Variants in WEE1 observed in about 807,000 individuals in gnomAD.
WEE1 encodes wee1-like protein kinase.
Under a neutral mutation model 68.8 loss-of-function variants are expected in WEE1, and 16 were observed. The ratio of observed to expected loss-of-function variants is 0.23; its 90% CI spans 0.16 to 0.35. The LOEUF (loss-of-function observed/expected upper bound fraction) is 0.35. Among genes scored for constraint, WEE1 ranks in the 10% least tolerant of loss-of-function variants. WEE1 has a pLI of 1.00. For missense variants in WEE1, 651 were observed against 824.1 expected, an observed-to-expected ratio of 0.79 and a Z score of 2.57; for synonymous variants, 349 against 318.7, an observed-to-expected ratio of 1.09 and a Z score of -1.01.
At chr11:9,577,586 G>C (rs1372665588) in intron 5 of WEE1, 2 of 332,744 alleles carry the variant, frequency 6.0e-6, no homozygotes, top group East Asian at 7.9e-5. Context: ...GTATTATGAA[G>C]TGTTAAGTTG....
In WEE1 at chr11:9,576,246, A is replaced by G; in HGVS notation, c.799A>G (p.Met267Val). The change falls in exon 3 of 11, where the codon ATG (methionine) becomes GTG (valine). Residue 267 changes from methionine (M) to valine (V), a missense_variant. Met to Val is a conservative substitution (Grantham distance 21). Coordinates refer to ENST00000450114, the MANE Select transcript of WEE1 (RefSeq NM_003390.4). The surrounding 1 kb of genome is among the most constrained non-coding windows in gnomAD (Gnocchi z 4.3). ...TYWNDSCGED[M>V]EASDYELEDE... is the part of the protein sequence containing the mutation. ...TTTTTTTAGTTCCTGTGGTGAAGAC[A>G]TGGAAGCCAGTGATTATGAGCTTGA... The G allele has an allele frequency of 6.6e-7, 1 of 1,519,504 alleles. No individual in the cohort carries two copies. The highest frequency in any genetic ancestry group is 9.0e-7 in the Non-Finnish European group (1 of 1,117,112). 94.1% of individuals were successfully genotyped at this position (1,519,504 alleles called of 1,614,324 possible). A position where few individuals can be genotyped will look rare whatever the true frequency, so the allele number is the denominator to read the frequency against.
chr11:9,576,192 T>C lies in WEE1; in HGVS notation c.783-38T>C, dbSNP rs760958012. 4 of 1,581,368 alleles carry C rather than the reference T, an allele frequency of 2.5e-6. No homozygotes were observed. In the East Asian group the frequency reaches 9.1e-5, roughly 36 times the overall value. ...TCCTATTTAATGGCATGGATGTATC[T>C]GTCAGATATATTGATAGAAAAATAA... On this transcript the variant is annotated intron_variant, in intron 2 of 10. Transcript: ENST00000450114. The surrounding 1 kb of genome is among the most constrained non-coding windows in gnomAD (Gnocchi z 4.3).
At position 9,573,738 on chromosome 11, in the gene WEE1, G is replaced by A; in HGVS notation, c.-196G>A. On this transcript the variant is annotated 5_prime_UTR_variant, in exon 1 of 11. Coordinates refer to ENST00000450114, the MANE Select transcript of WEE1 (RefSeq NM_003390.4). ...GTGCTCGGGCCGCCCCGCCTCTGCC[G>A]GAAAGTCCGCGCCGCCGCTGCCGCC... 4.1e-6 allele frequency: 1 copy of A among 243,714 alleles called. No homozygotes were observed. Among genetic ancestry groups the A allele is most frequent in the Non-Finnish European group, 7.1e-6 (1 of 139,910 alleles). 15.1% of individuals were successfully genotyped at this position (243,714 alleles called of 1,614,324 possible). A position where few individuals can be genotyped will look rare whatever the true frequency, so the allele number is the denominator to read the frequency against.
chr11:9,582,429 G>C (rs1044527589), intron 6 of WEE1, among the ~76,000 whole-genome samples: 7 of 152,132 alleles, frequency 4.6e-5, no homozygotes, highest in African/African-American at 1.4e-4. Flanking sequence ...AGCATCTTAG[G>C]CTAGATGAAT....
chr11:9,573,770 C>T lies in WEE1; in HGVS notation c.-164C>T, dbSNP rs897952202. On this transcript the variant is annotated 5_prime_UTR_variant, in exon 1 of 11. Coordinates refer to ENST00000450114, the MANE Select transcript of WEE1 (RefSeq NM_003390.4). ...CCGCGCCGCCGCTGCCGCCACCGTC[C>T]GCAGCCCGAGCGCCCCGGAGCCGCA... The T allele has an allele frequency of 9.8e-6, 4 of 408,990 alleles. No homozygotes were observed. The highest frequency in any genetic ancestry group is 6.5e-5 in the African/African-American group (3 of 46,492). 25.3% of individuals were successfully genotyped at this position (408,990 alleles called of 1,614,324 possible). A position where few individuals can be genotyped will look rare whatever the true frequency, so the allele number is the denominator to read the frequency against.
Position 9,575,813 on chromosome 11 carries a change from G to C in WEE1, c.577-75G>C, listed in dbSNP as rs750760498. On this transcript the variant is annotated intron_variant, in intron 1 of 10. Transcript: ENST00000450114. ...ACGCATTCAGCCCTATGAAAGGCTC[G>C]TTGAAGGTTAGGTTGAGAAGGCTGA... The C allele has an allele frequency of 3.0e-6, 4 of 1,347,952 alleles. No individual in the cohort carries two copies. In the South Asian group the frequency reaches 3.7e-5, roughly 12 times the overall value. The allele number at this position is 1,347,952 out of a possible 1,614,324, so 83.5% of individuals were successfully genotyped here. A position where few individuals can be genotyped will look rare whatever the true frequency, so the allele number is the denominator to read the frequency against.
chr11:9,585,410 G>C (rs751660078), intron 7 of WEE1, 32 bp from the exon 8 acceptor site: 3 of 1,607,572 alleles, frequency 1.9e-6, no homozygotes, highest in Non-Finnish European at 2.5e-6. Flanking sequence ...TTTTGTTTTT[G>C]CTCTTCACTG....
rs1337888682 is a variant in WEE1, at chr11:9,589,316, A to T, written c.*714A>T. ...TTGAACTTTGAAGCTAGTGCATTGG[A>T]AAAATGCACCCTTTCCCTCCTTTGG... is the stretch of plus-strand genomic sequence containing the variant. On this transcript the variant is annotated 3_prime_UTR_variant, in exon 11 of 11. Coordinates refer to ENST00000450114, the MANE Select transcript of WEE1 (RefSeq NM_003390.4). 1.0e-6 allele frequency: 1 copy of T among 984,680 alleles called. No homozygotes were observed. Among genetic ancestry groups the T allele is most frequent in the Non-Finnish European group, 1.2e-6 (1 of 829,512 alleles). 61.0% of individuals were successfully genotyped at this position (984,680 alleles called of 1,614,324 possible).
intron 5 of WEE1, chr11:9,579,352 T>C (rs1458804976): frequency 6.6e-6 from 1 of 152,244 alleles, no homozygotes; most frequent in East Asian, 1.9e-4. Flanking sequence ...ATAGGGCTCA[T>C]CTTCACATCT....
At chr11:9,579,467 A>G (rs564316473) in intron 5 of WEE1, 1 of 152,340 alleles carries the variant, frequency 6.6e-6, no homozygotes, top group South Asian at 2.1e-4. Context: ...CATTTGCATT[A>G]TAAGCCTTTT....
At position 9,574,434 on chromosome 11, in the gene WEE1, G is replaced by C; in HGVS notation, c.501G>C (p.Arg167=). 1 of 1,220,596 alleles carries C rather than the reference G, an allele frequency of 8.2e-7. No individual in the cohort carries two copies. Among genetic ancestry groups the C allele is most frequent in the Non-Finnish European group, 1.0e-6 (1 of 986,120 alleles). The allele number at this position is 1,220,596 out of a possible 1,614,324, so 75.6% of individuals were successfully genotyped here. A position where few individuals can be genotyped will look rare whatever the true frequency, so the allele number is the denominator to read the frequency against. Residue 167 remains arginine, a synonymous_variant, in exon 1 of 11, where the codon CGG becomes CGC. Coordinates refer to ENST00000450114, the MANE Select transcript of WEE1 (RefSeq NM_003390.4). The surrounding 1 kb of genome is among the most constrained non-coding windows in gnomAD (Gnocchi z 4.9). The part of the protein sequence containing the change: ...RRAGEGRRSP[R]PDHPGTPPHK... ...CGGGCGAAGGCCGCCGCTCGCCGCG[G>C]CCGGACCACCCGGGCACCCCGCCAC...
intron 6 of WEE1, among the ~76,000 whole-genome samples, chr11:9,583,593 C>T (rs1323517130): frequency 8.0e-6 from 1 of 124,272 alleles, no homozygotes; most frequent in African/African-American, 3.1e-5. Context: ...CCAGCCTGGG[C>T]GACAGAGCGA....
Position 9,589,821 on chromosome 11 carries a change from A to ATTTT in WEE1, c.*1219_*1220insTTTT. 1.7e-5 allele frequency: 11 copies of ATTTT among 650,116 alleles called. No homozygotes were observed. Among genetic ancestry groups the ATTTT allele is most frequent in the African/African-American group, 2.0e-5 (1 of 50,842 alleles). 40.3% of individuals were successfully genotyped at this position (650,116 alleles called of 1,614,324 possible). A position where few individuals can be genotyped will look rare whatever the true frequency, so the allele number is the denominator to read the frequency against. ...TATCTCTATTATTGCTATACTATAA[A>ATTTT]ATGTATAGTGTGTATAATGTACTAT... On this transcript the variant is annotated 3_prime_UTR_variant, in exon 11 of 11. Transcript: ENST00000450114.
intron 1 of WEE1, chr11:9,575,281 C>T (rs1450706518): frequency 2.0e-6 from 2 of 986,436 alleles, no homozygotes; most frequent in East Asian, 1.1e-4. Context: ...GCGCAGATGA[C>T]CACTTTTAAA....
Position 9,574,470 on chromosome 11 carries a change from C to T in WEE1, c.537C>T (p.Phe179=), listed in dbSNP as rs966062153. ...DHPGTPPHKT[F]RKLRLFDTPH... Reference sequence around the variant, plus strand: ...CGGGCACCCCGCCACACAAGACCTTCCGCAAGCTGCGACTCTTCGACACCC... The same window carrying T: ...CGGGCACCCCGCCACACAAGACCTTTCGCAAGCTGCGACTCTTCGACACCC... The change falls in exon 1 of 11, where the codon TTC becomes TTT. Residue 179 remains phenylalanine (F), a synonymous_variant. Coordinates refer to ENST00000450114, the MANE Select transcript of WEE1 (RefSeq NM_003390.4). The surrounding 1 kb of genome is among the most constrained non-coding windows in gnomAD (Gnocchi z 4.9). 29 of 1,260,084 alleles carry T rather than the reference C, an allele frequency of 2.3e-5. No homozygotes were observed. The highest frequency in any genetic ancestry group is 2.6e-5 in the Non-Finnish European group (26 of 1,003,614). The allele number at this position is 1,260,084 out of a possible 1,614,324, so 78.1% of individuals were successfully genotyped here. A position where few individuals can be genotyped will look rare whatever the true frequency, so the allele number is the denominator to read the frequency against.
At chr11:9,583,796 CACACACATATAT>C (rs1350931532) in intron 6 of WEE1, among the ~76,000 whole-genome samples, 29 of 26,026 alleles carry the variant, frequency 1.1e-3, no homozygotes, top group African/African-American at 3.0e-3. Flanking sequence ...CACACACACA[CACACACATATAT>C]ATATATATAT....
intron 5 of WEE1, chr11:9,578,879 T>TTTATTTA (rs1849592585): frequency 1.8e-4 from 26 of 142,168 alleles, no homozygotes; most frequent in African/African-American, 4.1e-4. Flanking sequence ...GAAAATAAGT[T>TTTATTTA]TTTATTTATT....
At chr11:9,583,277 C>T (rs1256205657) in intron 6 of WEE1, among the ~76,000 whole-genome samples, 1 of 150,718 alleles carries the variant, frequency 6.6e-6, no homozygotes, top group Non-Finnish European at 1.5e-5. Context: ...TGCACCATTG[C>T]ACTCCATCCT....
chr11:9,583,792 CACACACACACATATAT>C (rs1849664233), intron 6 of WEE1, among the ~76,000 whole-genome samples: 5 of 31,016 alleles, frequency 1.6e-4, no homozygotes, highest in Admixed American at 5.2e-4. Flanking sequence ...CACACACACA[CACACACACACATATAT>C]ATATATATAT....
Sources: allele counts gnomAD v4.1 joint callset (sites outside exome capture counted in the v4.1 genomes callset), GRCh38; gene constraint gnomAD v4.1.1; non-coding constraint Gnocchi (gnomAD v3.1); transcripts MANE v1.5; gene names NCBI Gene and HGNC (gene_info 2026-07-23, HGNC 2026-07-21).